RASAL2: variants seen among roughly 807,000 people sequenced by gnomAD.
RASAL2 encodes RAS protein activator like 2, also known as ras GTPase-activating protein nGAP.
In RASAL2, 58 loss-of-function variants were observed where a neutral mutation model predicts 128.9. The observed-to-expected ratio is 0.45, with a 90% confidence interval of 0.36 to 0.56. RASAL2 has a LOEUF of 0.56. Among genes scored for constraint, RASAL2 ranks in the 20% least tolerant of loss-of-function variants. The pLI, the probability that RASAL2 is intolerant of heterozygous loss-of-function variation, is 0.00. For missense variants in RASAL2, 1,360 were observed against 1,601.6 expected (o/e 0.85, Z 2.57); for synonymous variants, 561 against 580.8 (o/e 0.97, Z 0.49).
At chr1:178,209,250 C>T (rs1663170681) in intron 1 of RASAL2, among the ~76,000 whole-genome samples, 1 of 152,130 alleles carries the variant, frequency 6.6e-6, no homozygotes, top group Non-Finnish European at 1.5e-5. Flanking sequence ...TGCTATGTGA[C>T]TTAGCCATGA....
intron 1 of RASAL2, among the ~76,000 whole-genome samples, chr1:178,269,020 T>G (rs1013372115): frequency 6.6e-6 from 1 of 152,248 alleles, no homozygotes; most frequent in South Asian, 2.1e-4. Context: ...AGTTATTTTA[T>G]GTTGAAGCCT....
chr1:178,102,110 T>A (rs997745748), intron 1 of RASAL2, among the ~76,000 whole-genome samples: 4 of 152,154 alleles, frequency 2.6e-5, no homozygotes, highest in African/African-American at 9.7e-5. Flanking sequence ...AAATTTGAAT[T>A]TCATATATGA....
At chr1:178,169,724 A>G (rs763377979) in intron 1 of RASAL2, among the ~76,000 whole-genome samples, 1 of 152,016 alleles carries the variant, frequency 6.6e-6, no homozygotes, top group Non-Finnish European at 1.5e-5. Flanking sequence ...AATGTAGACC[A>G]CAGTTGCATT....
Position 178,464,369 on chromosome 1 carries a change from A to C in RASAL2, c.3344A>C (p.Glu1115Ala), listed in dbSNP as rs575989898. 2 of 1,613,820 alleles carry C rather than the reference A, an allele frequency of 1.2e-6. No homozygotes were observed. Among genetic ancestry groups the C allele is most frequent in the South Asian group, 2.2e-5 (2 of 91,004 alleles). The change falls in exon 15 of 18, where the codon GAA becomes GCA. Residue 1115 changes from glutamate to alanine, a missense_variant. Glu to Ala is a moderately radical substitution (Grantham distance 107). Around this residue, in one of 3 missense-constraint regions of RASAL2, gnomAD observed 741 missense variants for 868.6 expected, o/e 0.85. Transcript: ENST00000367649. The part of the protein sequence containing the change: ...LNNGQYEEDV[E>A]ETEQNLDEAK... The stretch of plus-strand genomic sequence containing the variant: ...AATGGGCAGTATGAAGAGGATGTGG[A>C]AGAAACTGAGCAAAATCTAGATGAA...
intron 1 of RASAL2, among the ~76,000 whole-genome samples, chr1:178,281,170 G>A (rs927315737): frequency 2.0e-5 from 3 of 151,504 alleles, no homozygotes; most frequent in South Asian, 2.1e-4. Flanking sequence ...GACCAAAAAT[G>A]GGCATTAGAA....
At chr1:178,375,733 C>A (rs1320793449) in intron 3 of RASAL2, among the ~76,000 whole-genome samples, 1 of 152,002 alleles carries the variant, frequency 6.6e-6, no homozygotes, top group African/African-American at 2.4e-5. Flanking sequence ...GAATGGGGAA[C>A]AAAATGAATC....
intron 5 of RASAL2, among the ~76,000 whole-genome samples, chr1:178,421,494 A>G (rs1430544541): frequency 1.3e-5 from 2 of 151,612 alleles, no homozygotes; most frequent in East Asian, 3.9e-4. Flanking sequence ...ATGTAATACA[A>G]CAACCCTAGA....
intron 3 of RASAL2, among the ~76,000 whole-genome samples, chr1:178,312,033 T>A (rs1668279679): frequency 6.6e-6 from 1 of 150,462 alleles, no homozygotes. Context: ...GGTTGGAAAA[T>A]GGAATTGAGA....
chr1:178,140,746 C>T (rs1269036744), intron 1 of RASAL2, among the ~76,000 whole-genome samples: 2 of 152,160 alleles, frequency 1.3e-5, no homozygotes, highest in Non-Finnish European at 2.9e-5. Context: ...TCCAGTTTTT[C>T]ATAATTTTAA....
At chr1:178,331,583 C>CTTTTTTTTTT (rs71731643) in intron 3 of RASAL2, among the ~76,000 whole-genome samples, 3 of 110,214 alleles carry the variant, frequency 2.7e-5, no homozygotes, top group African/African-American at 1.1e-4. Context: ...CTTCATGCAT[C>CTTTTTTTTTT]TTTTTTTTTT....
intron 1 of RASAL2, among the ~76,000 whole-genome samples, chr1:178,146,172 CACAG>C (rs763708936): frequency 2.2e-4 from 34 of 152,276 alleles, no homozygotes; most frequent in Non-Finnish European, 2.2e-4. Context: ...TTGGAAAAAA[CACAG>C]ACAGTTGCCA....
chr1:178,381,879 C>G lies in RASAL2; in HGVS notation c.458-8221C>G, dbSNP rs368139365. Among the ~76,000 whole-genome samples, 25 of 152,220 alleles carry G rather than the reference C, an allele frequency of 1.6e-4. No homozygotes were observed. In the South Asian group the frequency reaches 5.0e-3, roughly 30 times the overall value. ...TTTAAATAAAGGTGTTAGGCCCTAT[C>G]TGTAGATTAGAAGAGATAGTTGATG... On this transcript the variant is annotated intron_variant, in intron 3 of 17. Coordinates refer to ENST00000367649, the MANE Select transcript of RASAL2 (RefSeq NM_170692.4).
intron 1 of RASAL2, among the ~76,000 whole-genome samples, chr1:178,104,647 TCTA>T (rs1659024075): frequency 6.6e-6 from 1 of 152,196 alleles, no homozygotes; most frequent in African/African-American, 2.4e-5. Flanking sequence ...AATTTTAAGT[TCTA>T]CTGCTGTGTT....
At chr1:178,262,124 A>G (rs929646655) in intron 1 of RASAL2, among the ~76,000 whole-genome samples, 4 of 152,096 alleles carry the variant, frequency 2.6e-5, no homozygotes, top group Non-Finnish European at 4.4e-5. Context: ...TATTCCAAGT[A>G]TATTATTTGG....
intron 4 of RASAL2, among the ~76,000 whole-genome samples, chr1:178,391,757 C>A (rs1672920743): frequency 6.6e-6 from 1 of 152,136 alleles, no homozygotes; most frequent in African/African-American, 2.4e-5. Flanking sequence ...AGGAGTCAGA[C>A]TTTGAGATAT....
At chr1:178,340,977 T>C (rs150166165) in intron 3 of RASAL2, among the ~76,000 whole-genome samples, 13 of 152,332 alleles carry the variant, frequency 8.5e-5, no homozygotes, top group South Asian at 2.1e-4. Flanking sequence ...GTTCCTTTTC[T>C]AAATTTTAGA....
At chr1:178,124,210 C>A (rs947787462) in intron 1 of RASAL2, among the ~76,000 whole-genome samples, 3 of 152,102 alleles carry the variant, frequency 2.0e-5, no homozygotes, top group African/African-American at 7.2e-5. Context: ...AGGAGAGAGT[C>A]TGAAGTTCTG....
chr1:178,167,621 T>C (rs1357002581), intron 1 of RASAL2, among the ~76,000 whole-genome samples: 1 of 152,112 alleles, frequency 6.6e-6, no homozygotes, highest in Admixed American at 6.6e-5. Flanking sequence ...TAGCCTACGG[T>C]TGACCCGAAG....
intron 1 of RASAL2, among the ~76,000 whole-genome samples, chr1:178,163,235 G>A (rs573214227): frequency 5.9e-5 from 9 of 152,214 alleles, no homozygotes; most frequent in African/African-American, 1.9e-4. Context: ...CAAAATGCTG[G>A]GATTACAGGC....
Sources: gnomAD v4.1 joint callset for allele counts (sites outside exome capture counted in the v4.1 genomes callset) on GRCh38, gnomAD v4.1.1 for gene constraint, gnomAD v4.1.1 regional missense constraint, MANE v1.5 for transcripts, NCBI Gene and HGNC (gene_info 2026-07-23, HGNC 2026-07-21) for gene names.